NPHP4: variants seen among roughly 807,000 people sequenced by gnomAD.
NPHP4 encodes nephrocystin-4.
Under a neutral mutation model 155.8 loss-of-function variants are expected in NPHP4, and 151 were observed. That is an observed-to-expected ratio of 0.97 (90% CI 0.85 to 1.11). NPHP4 has a LOEUF of 1.11. Among genes scored for constraint, NPHP4 ranks in the 50% least tolerant of loss-of-function variants. The pLI, the probability that NPHP4 is intolerant of heterozygous loss-of-function variation, is 0.00. For synonymous variants in NPHP4, 845 were observed against 816.8 expected, an observed-to-expected ratio of 1.03 and a Z score of -0.59; for missense variants, 1,956 against 1,925.7, an observed-to-expected ratio of 1.02 and a Z score of -0.29.
rs374606004 is a variant in NPHP4 at position 5,867,940 on chromosome 1, G to A, written c.3316-44C>T. Reference sequence around the variant, plus strand: ...GAGTGTTGGGATGGGCACGAGGCTTGTGAGCAGCTTCTTGTCCCTCCTTAG... The same window carrying A: ...GAGTGTTGGGATGGGCACGAGGCTTATGAGCAGCTTCTTGTCCCTCCTTAG... On this transcript the variant is annotated intron_variant, in intron 23 of 29. Coordinates refer to ENST00000378156, the MANE Select transcript of NPHP4 (RefSeq NM_015102.5). The surrounding 1 kb of genome is among the most constrained non-coding windows in gnomAD (Gnocchi z 4.1). 365 of 1,608,502 alleles carry A rather than the reference G, an allele frequency of 2.3e-4. 4 individuals carry two copies. In the South Asian group the frequency reaches 2.5e-3, roughly 11 times the overall value.
At chr1:5,906,885 C>T (rs1251069110) in intron 13 of NPHP4, among the ~76,000 whole-genome samples, 1 of 152,192 alleles carries the variant, frequency 6.6e-6, no homozygotes, top group African/African-American at 2.4e-5. Context: ...GAGTCAAGCG[C>T]TGTGGTATGA....
At chr1:5,887,534 T>C in intron 17 of NPHP4, 68 bp from the exon 18 acceptor site, 2 of 1,533,132 alleles carry the variant, frequency 1.3e-6, no homozygotes, top group Non-Finnish European at 1.8e-6. Context: ...GCCCTGCAGG[T>C]GGAGGCTGCT....
At chr1:5,877,562 AAC>A (rs1401179553) in intron 19 of NPHP4, 5 of 346,464 alleles carry the variant, frequency 1.4e-5, no homozygotes, top group African/African-American at 1.0e-4. Flanking sequence ...CAACGCTGTC[AAC>A]ACACCACCAG....
At chr1:5,878,230 T>A (rs1453392747) in intron 19 of NPHP4, among the ~76,000 whole-genome samples, 1 of 152,166 alleles carries the variant, frequency 6.6e-6, no homozygotes, top group Non-Finnish European at 1.5e-5. Flanking sequence ...TGCAGAAGCC[T>A]CCACACAGTG....
intron 6 of NPHP4, among the ~76,000 whole-genome samples, chr1:5,959,593 G>T (rs1022117521): frequency 6.6e-6 from 1 of 152,182 alleles, no homozygotes; most frequent in Non-Finnish European, 1.5e-5. Flanking sequence ...AAGTCACAAA[G>T]TGATGACTAC....
intron 18 of NPHP4, among the ~76,000 whole-genome samples, chr1:5,885,823 T>C (rs550400208): frequency 6.6e-6 from 1 of 152,100 alleles, no homozygotes; most frequent in South Asian, 2.1e-4. Flanking sequence ...CCATAACACC[T>C]TTTTTTCCAA....
In NPHP4 at chr1:5,934,798, C is replaced by A. The variant is rs114297856; in HGVS notation, c.1120-1469G>T. On this transcript the variant is annotated intron_variant, in intron 9 of 29. Transcript: ENST00000378156. ...CATGCCCTGCCTAGGATGGGTGGAGCACAGCATCCACCAGGAACAGAGACA... is the reference window on the plus strand; with the variant it reads ...CATGCCCTGCCTAGGATGGGTGGAGAACAGCATCCACCAGGAACAGAGACA... 7.3e-3 allele frequency among the ~76,000 whole-genome samples: 1,119 copies of A among 152,298 alleles called. 12 individuals are homozygous for A. Among genetic ancestry groups the A allele is most frequent in the African/African-American group, 0.024 (1,013 of 41,552 alleles).
intron 16 of NPHP4, among the ~76,000 whole-genome samples, chr1:5,901,259 TCAA>T (rs768070659): frequency 5.9e-5 from 9 of 152,308 alleles, no homozygotes; most frequent in East Asian, 5.8e-4. Context: ...ATGTTACAGT[TCAA>T]CAACAACAAC....
In NPHP4 at chr1:5,905,384, G is replaced by A. The variant is rs185572258; in HGVS notation, c.1863C>T (p.Ser621=). 327 of 1,613,414 alleles carry A rather than the reference G, an allele frequency of 2.0e-4. 1 individual carries two copies. In the East Asian group the frequency reaches 3.2e-3, roughly 16 times the overall value. The part of the protein sequence containing the change: ...DANKQPAEAV[S]ATEPVTFNPQ... Reference sequence around the variant, plus strand: ...GGTTAAACGTCACAGGTTCTGTAGCGCTGACAGCCTCGGCTGGCTGTTTAT... The same window carrying A: ...GGTTAAACGTCACAGGTTCTGTAGCACTGACAGCCTCGGCTGGCTGTTTAT... The change falls in exon 15 of 30, where the codon AGC becomes AGT. Residue 621 remains serine (S), a synonymous_variant. Coordinates refer to ENST00000378156, the MANE Select transcript of NPHP4 (RefSeq NM_015102.5). The surrounding 1 kb of genome is among the most constrained non-coding windows in gnomAD (Gnocchi z 4.0).
chr1:5,988,848 G>A (rs114735348), intron 1 of NPHP4, among the ~76,000 whole-genome samples: 187 of 151,586 alleles, frequency 1.2e-3, no homozygotes, highest in African/African-American at 4.3e-3. Flanking sequence ...TGCATCCTTG[G>A]CCCAGCGTCC....
Position 5,873,268 on chromosome 1 carries a change from G to T in NPHP4, c.3299C>A (p.Pro1100His). Residue 1100 changes from proline to histidine, a missense_variant, in exon 23 of 30, where the codon CCC becomes CAC. Transcript: ENST00000378156. ...CCCCTTTACCTTGGCGTGTTTAGTG[G>T]GCACTGCGCTGGACTTCCAAGGTGA... The part of the protein sequence containing the change: ...AVSPWKSSAV[P>H]TKHAKVLFRA... 2.5e-6 allele frequency: 4 copies of T among 1,613,836 alleles called. No homozygotes were observed. Among genetic ancestry groups the T allele is most frequent in the Non-Finnish European group, 3.4e-6 (4 of 1,179,736 alleles).
At chr1:5,887,866 G>A (rs921409215) in intron 17 of NPHP4, among the ~76,000 whole-genome samples, 6 of 152,218 alleles carry the variant, frequency 3.9e-5, no homozygotes, top group Admixed American at 1.3e-4. Context: ...CTGGGACAGC[G>A]AGGAATCCAG....
chr1:5,868,955 CA>C (rs1192406540), intron 23 of NPHP4, among the ~76,000 whole-genome samples: 2 of 142,570 alleles, frequency 1.4e-5, no homozygotes, highest in Admixed American at 7.0e-5. Flanking sequence ...CACACACACA[CA>C]ATGCACACAC....
At chr1:5,865,670 G>A (rs1326691322) in intron 26 of NPHP4, 1 of 179,804 alleles carries the variant, frequency 5.6e-6, no homozygotes, top group African/African-American at 2.4e-5. Context: ...GACAGGGTGG[G>A]GCTGGAGGTC....
chr1:5,863,550 ACTT>A, intron 29 of NPHP4, 145 bp from the exon 30 acceptor site: 1 of 903,946 alleles, frequency 1.1e-6, no homozygotes. Context: ...CCTGCCTTTG[ACTT>A]CAGCGCCCGG....
At position 5,888,679 on chromosome 1, in the gene NPHP4, A is replaced by T. The variant is rs114718571; in HGVS notation, c.2305-1213T>A. 880 of 1,175,948 alleles carry T rather than the reference A, an allele frequency of 7.5e-4. 7 individuals carry two copies. The African/African-American group carries it at 0.012, about 17-fold the overall frequency. 72.8% of individuals were successfully genotyped at this position (1,175,948 alleles called of 1,614,324 possible). A position where few individuals can be genotyped will look rare whatever the true frequency, so the allele number is the denominator to read the frequency against. ...TCCAAGAGGCAAGGAAATGCGAATG[A>T]AAACAAGGCACCATTTTCCTCCCAA... is the stretch of plus-strand genomic sequence containing the variant. On this transcript the variant is annotated intron_variant, in intron 17 of 29. Coordinates refer to ENST00000378156, the MANE Select transcript of NPHP4 (RefSeq NM_015102.5).
chr1:5,930,469 C>A (rs930526547), intron 10 of NPHP4, among the ~76,000 whole-genome samples: 15 of 152,178 alleles, frequency 9.9e-5, no homozygotes, highest in African/African-American at 3.6e-4. Context: ...CGAACTTTGA[C>A]ATGTTGTATT....
chr1:5,973,300 C>G (rs186893788), intron 3 of NPHP4, among the ~76,000 whole-genome samples: 80 of 152,380 alleles, frequency 5.3e-4, no homozygotes, highest in Non-Finnish European at 1.0e-3. Context: ...ACCTCAACTC[C>G]GACGCCCATG....
chr1:5,977,178 A>G (rs1570727931), intron 3 of NPHP4, among the ~76,000 whole-genome samples: 1 of 152,120 alleles, frequency 6.6e-6, no homozygotes, highest in East Asian at 1.9e-4. Flanking sequence ...AAAGGCCTCC[A>G]TGACATCGCC....
Sources: gnomAD v4.1 joint callset for allele counts (sites outside exome capture counted in the v4.1 genomes callset) on GRCh38, gnomAD v4.1.1 for gene constraint, Gnocchi (gnomAD v3.1) non-coding constraint, MANE v1.5 for transcripts, NCBI Gene and HGNC (gene_info 2026-07-23, HGNC 2026-07-21) for gene names.